The following DOC2B variants were observed in gnomAD, a reference collection of about 807,000 sequenced individuals.
DOC2B encodes double C2-like domain-containing protein beta.
DOC2B carries 21 observed loss-of-function variants against 28.9 expected under a neutral mutation model. That is an observed-to-expected ratio of 0.73 (90% CI 0.52 to 1.05). DOC2B has a LOEUF of 1.05. Among genes scored for constraint, DOC2B ranks in the 50% least tolerant of loss-of-function variants. The probability of loss-of-function intolerance (pLI) is 0.00; values close to 1 mark genes in which losing one functional copy is unlikely to be tolerated. For synonymous variants in DOC2B, 194 were observed against 178.1 expected (o/e 1.09, Z -0.71); for missense variants, 384 against 421.1 (o/e 0.91, Z 0.77).
rs2040004985 is a variant in DOC2B, at chr17:144,292, T to A, written c.*3149A>T. 1 of 152,148 alleles carries A rather than the reference T, an allele frequency of 6.6e-6. No homozygotes were observed. Among genetic ancestry groups the A allele is most frequent in the Non-Finnish European group, 1.5e-5 (1 of 68,030 alleles). The allele number at this position is 152,148 out of a possible 1,614,324, so 9.4% of individuals were successfully genotyped here. ...TTTTTTTTCTGAGACGGAGTCTTGCTCTGTCGCCCAGGCTGGAGTGCAGTG... is the reference window on the plus strand; with the variant it reads ...TTTTTTTTCTGAGACGGAGTCTTGCACTGTCGCCCAGGCTGGAGTGCAGTG... On this transcript the variant is annotated 3_prime_UTR_variant, in exon 9 of 9. Transcript: ENST00000613549.
At position 144,484 on chromosome 17, in the gene DOC2B, T is replaced by G. The variant is rs2151455266; in HGVS notation, c.*2957A>C. On this transcript the variant is annotated 3_prime_UTR_variant, in exon 9 of 9. Transcript: ENST00000613549. ...CCTGTTGGCCAGGCGGGTTTCGAAC[T>G]CCTGACCTCAGGTGATCCGCCAGCC... 1 of 152,348 alleles carries G rather than the reference T, an allele frequency of 6.6e-6. No homozygotes were observed. The highest frequency in any genetic ancestry group is 1.5e-5 in the Non-Finnish European group (1 of 68,066). 9.4% of individuals were successfully genotyped at this position (152,348 alleles called of 1,614,324 possible).
At chr17:150,715 A>C (rs533767596) in intron 6 of DOC2B, among the ~76,000 whole-genome samples, 37 of 152,372 alleles carry the variant, frequency 2.4e-4, no homozygotes, top group African/African-American at 6.7e-4. Context: ...ATATGTCCAC[A>C]CAAAAACCTG....
At chr17:173,643 G>A (rs2040337058) in intron 1 of DOC2B, among the ~76,000 whole-genome samples, 1 of 152,198 alleles carries the variant, frequency 6.6e-6, no homozygotes, top group South Asian at 2.1e-4. Context: ...GGAGCCATGG[G>A]GAGCCCATGT....
Position 145,920 on chromosome 17 carries a change from G to C in DOC2B, c.*1521C>G, listed in dbSNP as rs1004404158. 3.3e-5 allele frequency: 5 copies of C among 152,400 alleles called. No homozygotes were observed. Among genetic ancestry groups the C allele is most frequent in the African/African-American group, 1.2e-4 (5 of 41,474 alleles). 9.4% of individuals were successfully genotyped at this position (152,400 alleles called of 1,614,324 possible). On this transcript the variant is annotated 3_prime_UTR_variant, in exon 9 of 9. Transcript: ENST00000613549. ...TCTGGGCCTGTTTCCATCACACACTGATGGGCTGAGCACACTGGGACTCTG... is the reference window on the plus strand; with the variant it reads ...TCTGGGCCTGTTTCCATCACACACTCATGGGCTGAGCACACTGGGACTCTG...
chr17:150,945 G>A (rs541892461), intron 6 of DOC2B, among the ~76,000 whole-genome samples: 6 of 152,308 alleles, frequency 3.9e-5, no homozygotes, highest in African/African-American at 1.2e-4. Flanking sequence ...CTATCTGACT[G>A]TTTCATGGGA....
chr17:163,521 G>A (rs1597826514), intron 3 of DOC2B: 1 of 152,372 alleles, frequency 6.6e-6, no homozygotes, highest in East Asian at 1.9e-4. Flanking sequence ...ATTAAGTTCT[G>A]ACTTTCCATG....
chr17:161,417 G>A lies in DOC2B; in HGVS notation c.763C>T (p.Pro255Ser). The A allele has an allele frequency of 1.3e-6, 2 of 1,551,632 alleles. No homozygotes were observed. The highest frequency in any genetic ancestry group is 1.2e-5 in the South Asian group (1 of 84,054). ...TFSICLEKQL[P>S]VDKTEDKSLE... ...AGGTGCTCAATCAATCCTCTCACCG[G>A]CAGCTGCTTCTCCAGGCAGATGCTG... The change falls in exon 5 of 9, where the codon CCG becomes TCG. Residue 255 changes from proline to serine, a missense_variant and splice_region_variant. By Grantham distance (74) the Pro-to-Ser change is moderately conservative (BLOSUM62 -1). Transcript: ENST00000613549.
rs1221974492 is a variant in DOC2B, at chr17:145,886, C to T, written c.*1555G>A. Reference sequence around the variant, plus strand: ...GGCCTGGAAGGCCCTGGGCAGGTCACCTGACCTCTCTGGGCCTGTTTCCAT... The same window carrying T: ...GGCCTGGAAGGCCCTGGGCAGGTCATCTGACCTCTCTGGGCCTGTTTCCAT... On this transcript the variant is annotated 3_prime_UTR_variant, in exon 9 of 9. Coordinates refer to ENST00000613549, the MANE Select transcript of DOC2B (RefSeq NM_003585.5). 1 of 152,568 alleles carries T rather than the reference C, an allele frequency of 6.6e-6. No individual in the cohort carries two copies. The highest frequency in any genetic ancestry group is 1.5e-5 in the Non-Finnish European group (1 of 68,308). 9.5% of individuals were successfully genotyped at this position (152,568 alleles called of 1,614,324 possible). A position where few individuals can be genotyped will look rare whatever the true frequency, so the allele number is the denominator to read the frequency against.
chr17:164,279 T>C, intron 2 of DOC2B, 75 bp from the exon 3 acceptor site: 4 of 1,173,092 alleles, frequency 3.4e-6, no homozygotes, highest in Middle Eastern at 1.9e-4. Flanking sequence ...GATGCCCTTG[T>C]CCCCTGGGTC....
chr17:157,103 C>T (rs938691288), intron 5 of DOC2B, among the ~76,000 whole-genome samples: 9 of 152,208 alleles, frequency 5.9e-5, no homozygotes, highest in Admixed American at 2.0e-4. Flanking sequence ...TAGCGCTAAG[C>T]GGCCCTTCAC....
At chr17:154,014 C>G (rs1046422814) in intron 6 of DOC2B, among the ~76,000 whole-genome samples, 1 of 152,196 alleles carries the variant, frequency 6.6e-6, no homozygotes. Context: ...ATTCTGGACA[C>G]GTCATAGAAA....
chr17:156,155 G>A (rs1401929766), intron 6 of DOC2B, 65 bp downstream of exon 6: 60 of 1,472,792 alleles, frequency 4.1e-5, no homozygotes, highest in East Asian at 7.8e-5. Context: ...CCACGGAGCC[G>A]GCACACGGAC....
At position 162,194 on chromosome 17, in the gene DOC2B, G is replaced by T. The variant is rs1555523347; in HGVS notation, c.529-4C>A. On this transcript the variant is annotated splice_region_variant and splice_polypyrimidine_tract_variant and intron_variant, in intron 3 of 8. Coordinates refer to ENST00000613549, the MANE Select transcript of DOC2B (RefSeq NM_003585.5). Reference sequence around the variant, plus strand: ...TTTTTGTTCTGAGCTTATTTGCCTGGAGAAGAGAAAAATGATCTTATTAGC... The same window carrying T: ...TTTTTGTTCTGAGCTTATTTGCCTGTAGAAGAGAAAAATGATCTTATTAGC... 1 of 1,547,604 alleles carries T rather than the reference G, an allele frequency of 6.5e-7. No individual in the cohort carries two copies. The highest frequency in any genetic ancestry group is 1.4e-5 in the African/African-American group (1 of 72,944).
chr17:165,121 G>A (rs1454910099), intron 2 of DOC2B, among the ~76,000 whole-genome samples: 1 of 151,416 alleles, frequency 6.6e-6, no homozygotes, highest in Non-Finnish European at 1.5e-5. Context: ...AGAGGTTTGG[G>A]GGCCTGGCTG....
chr17:162,055 G>T, intron 4 of DOC2B, 26 bp downstream of exon 4: 1 of 1,481,624 alleles, frequency 6.7e-7, no homozygotes, highest in African/African-American at 1.4e-5. Context: ...TGGGGAGGGA[G>T]CAGGCGGCCT....
intron 6 of DOC2B, among the ~76,000 whole-genome samples, chr17:154,864 C>T (rs1055834864): frequency 1.3e-5 from 2 of 151,960 alleles, no homozygotes; most frequent in African/African-American, 2.4e-5. Flanking sequence ...CAAGTAGCTG[C>T]GATTACAGGC....
chr17:160,383 G>A (rs1005110126), intron 5 of DOC2B, among the ~76,000 whole-genome samples: 2 of 152,194 alleles, frequency 1.3e-5, no homozygotes, highest in African/African-American at 4.8e-5. Context: ...AATAAAATTG[G>A]ATCAAATTCT....
Position 156,330 on chromosome 17 carries a change from G to A in DOC2B, c.813C>T (p.Leu271=), listed in dbSNP as rs1555522525. 3.2e-6 allele frequency: 5 copies of A among 1,551,598 alleles called. No homozygotes were observed. Among genetic ancestry groups the A allele is most frequent in the Admixed American group, 2.0e-5 (1 of 51,002 alleles). The part of the protein sequence containing the change: ...DKSLEERGRI[L]ISLKYSSQKQ... ...TCTGTGAGCTGTACTTGAGGGAGAT[G>A]AGGATGCGGCCCCGCTCCTCCAGGG... Residue 271 remains leucine, a synonymous_variant, in exon 6 of 9, where the codon CTC becomes CTT. Transcript: ENST00000613549.
chr17:149,611 T>C (rs2151457968), intron 6 of DOC2B, among the ~76,000 whole-genome samples: 1 of 152,266 alleles, frequency 6.6e-6, no homozygotes, highest in African/African-American at 2.4e-5. Flanking sequence ...GTTCAAGTGA[T>C]TCTCCTGCCT....
Sources: gnomAD v4.1 joint callset for allele counts (sites outside exome capture counted in the v4.1 genomes callset) on GRCh38, gnomAD v4.1.1 for gene constraint, MANE v1.5 for transcripts, NCBI Gene and HGNC (gene_info 2026-07-23, HGNC 2026-07-21) for gene names.